KCNIP4: variants seen among roughly 807,000 people sequenced by gnomAD.
KCNIP4 encodes potassium voltage-gated channel interacting protein 4, also known as Kv channel-interacting protein 4.
In KCNIP4, 12 loss-of-function variants were observed where a neutral mutation model predicts 34.0. The observed-to-expected ratio is 0.35, with a 90% CI of 0.23 to 0.57. The LOEUF (loss-of-function observed/expected upper bound fraction) is 0.57. KCNIP4 is among the 20% of genes least tolerant of loss of function. KCNIP4 has a pLI of 0.83. For missense variants in KCNIP4, 238 were observed against 311.7 expected (o/e 0.76, Z 1.78); for synonymous variants, 124 against 102.2 (o/e 1.21, Z -1.29).
At chr4:21,495,256 G>A (rs1732761069) in intron 1 of KCNIP4, among the ~76,000 whole-genome samples, 1 of 152,128 alleles carries the variant, frequency 6.6e-6, no homozygotes. Flanking sequence ...TTACTTCTCT[G>A]TTCTGGTATT....
intron 1 of KCNIP4, among the ~76,000 whole-genome samples, chr4:21,203,064 A>G (rs1756601568): frequency 6.6e-6 from 1 of 152,242 alleles, no homozygotes; most frequent in African/African-American, 2.4e-5. Flanking sequence ...CCTGAGCTGT[A>G]ACCGTGCACA....
chr4:21,696,105 C>T (rs367669846), intron 1 of KCNIP4, among the ~76,000 whole-genome samples: 4 of 152,004 alleles, frequency 2.6e-5, no homozygotes, highest in Admixed American at 2.0e-4. Flanking sequence ...GATTAAAATG[C>T]GGATATTAAC....
Position 21,530,246 on chromosome 4 carries a change from C to G in KCNIP4, c.61+418325G>C, listed in dbSNP as rs183255499. 9.4e-4 allele frequency among the ~76,000 whole-genome samples: 143 copies of G among 152,244 alleles called. 1 individual carries two copies. Among genetic ancestry groups the G allele is most frequent in the East Asian group, 6.6e-3 (34 of 5,172 alleles). ...TTTGGTGGCAAAAAAAATCTGCTGT[C>G]AAATACATAATGTACTTTTGTTTCC... On this transcript the variant is annotated intron_variant, in intron 1 of 8. Coordinates refer to ENST00000382152, the MANE Select transcript of KCNIP4 (RefSeq NM_025221.6).
chr4:21,588,240 G>A (rs1473127213), intron 1 of KCNIP4, among the ~76,000 whole-genome samples: 1 of 152,120 alleles, frequency 6.6e-6, no homozygotes, highest in Non-Finnish European at 1.5e-5. Context: ...TTCTGCCAAT[G>A]AAATCATAAT....
At chr4:20,774,188 A>G (rs779693700) in intron 3 of KCNIP4, among the ~76,000 whole-genome samples, 1 of 152,218 alleles carries the variant, frequency 6.6e-6, no homozygotes, top group Non-Finnish European at 1.5e-5. Flanking sequence ...AATTATTTCT[A>G]CAATGATGCT....
chr4:21,413,889 AC>A (rs1724722599), intron 1 of KCNIP4, among the ~76,000 whole-genome samples: 1 of 152,126 alleles, frequency 6.6e-6, no homozygotes, highest in African/African-American at 2.4e-5. Context: ...TTTCCCCCAA[AC>A]CACTTTTAAC....
chr4:21,918,377 A>G (rs564035498), intron 1 of KCNIP4, among the ~76,000 whole-genome samples: 1 of 152,190 alleles, frequency 6.6e-6, no homozygotes, highest in Non-Finnish European at 1.5e-5. Context: ...GGTAAAACTG[A>G]TAAGATTGGA....
chr4:21,048,306 G>A (rs1742613579), intron 1 of KCNIP4, among the ~76,000 whole-genome samples: 1 of 152,082 alleles, frequency 6.6e-6, no homozygotes, highest in Non-Finnish European at 1.5e-5. Context: ...AAACTCTAAA[G>A]AGAAGATGAC....
chr4:21,666,834 G>A (rs953593662), intron 1 of KCNIP4, among the ~76,000 whole-genome samples: 5 of 152,196 alleles, frequency 3.3e-5, no homozygotes, highest in African/African-American at 9.7e-5. Flanking sequence ...GAATAAGGGG[G>A]AGGAAAGAGA....
chr4:21,346,995 A>G (rs1717499350), intron 1 of KCNIP4, among the ~76,000 whole-genome samples: 1 of 152,172 alleles, frequency 6.6e-6, no homozygotes, highest in African/African-American at 2.4e-5. Context: ...AAATTCTGGA[A>G]CACCAATATA....
At chr4:21,106,174 C>T (rs1430602814) in intron 1 of KCNIP4, among the ~76,000 whole-genome samples, 3 of 151,410 alleles carry the variant, frequency 2.0e-5, no homozygotes, top group Admixed American at 6.6e-5. Flanking sequence ...AGGAATGGTA[C>T]CAGTTCCTCC....
chr4:21,607,764 TC>T (rs1248018025), intron 1 of KCNIP4, among the ~76,000 whole-genome samples: 1 of 152,096 alleles, frequency 6.6e-6, no homozygotes, highest in African/African-American at 2.4e-5. Flanking sequence ...TGCTGGTCTC[TC>T]CAACTTGCAT....
rs541195007 is a variant in KCNIP4 at position 20,730,800 on chromosome 4, G to T, written c.706-671C>A. On this transcript the variant is annotated intron_variant, in intron 8 of 8. Transcript: ENST00000382152. The stretch of plus-strand genomic sequence containing the variant: ...TAGGGGACAGACTTTGGGCATTATT[G>T]GAGCACTTGTCAGTTGCATGTGAAT... 4.3e-3 allele frequency among the ~76,000 whole-genome samples: 648 copies of T among 152,216 alleles called. 6 individuals are homozygous for T. The highest frequency in any genetic ancestry group is 0.014 in the African/African-American group (599 of 41,528).
Position 21,923,558 on chromosome 4 carries a change from G to A in KCNIP4, c.61+25013C>T, listed in dbSNP as rs185616738. Among the ~76,000 whole-genome samples the A allele has an allele frequency of 3.2e-3, 480 of 152,258 alleles. 1 individual carries two copies. The highest frequency in any genetic ancestry group is 5.8e-3 in the Non-Finnish European group (393 of 68,020). ...ATCATGCCATTGCACTCCAGCCTAG[G>A]TGACAGAGTGAGACACTGTCCCTAA... On this transcript the variant is annotated intron_variant, in intron 1 of 8. Transcript: ENST00000382152.
chr4:21,505,060 G>A (rs189925591), intron 1 of KCNIP4, among the ~76,000 whole-genome samples: 160 of 152,178 alleles, frequency 1.1e-3, no homozygotes, highest in African/African-American at 3.6e-3. Context: ...TTTAACTCTC[G>A]AGTGATGATG....
intron 1 of KCNIP4, among the ~76,000 whole-genome samples, chr4:21,032,385 T>G (rs563775411): frequency 6.6e-6 from 1 of 152,238 alleles, no homozygotes; most frequent in East Asian, 1.9e-4. Context: ...AATCAACCTT[T>G]CTGCACAAGT....
intron 1 of KCNIP4, among the ~76,000 whole-genome samples, chr4:21,279,468 A>T (rs1448563785): frequency 6.6e-6 from 1 of 151,314 alleles, no homozygotes; most frequent in Admixed American, 6.6e-5. Flanking sequence ...TTGTTTCACC[A>T]TACAGAACTT....
chr4:21,590,921 G>T (rs1299413136), intron 1 of KCNIP4, among the ~76,000 whole-genome samples: 2 of 151,950 alleles, frequency 1.3e-5, no homozygotes, highest in Non-Finnish European at 2.9e-5. Context: ...CCATTAATCT[G>T]CTGAATATTT....
chr4:21,363,253 C>T (rs1441349531), intron 1 of KCNIP4, among the ~76,000 whole-genome samples: 13 of 152,154 alleles, frequency 8.5e-5, no homozygotes, highest in Admixed American at 7.9e-4. Context: ...TGTGGCTCTC[C>T]TTCATTGAAC....
Sources: gnomAD v4.1 joint callset for allele counts (sites outside exome capture counted in the v4.1 genomes callset) on GRCh38, gnomAD v4.1.1 for gene constraint, MANE v1.5 for transcripts, NCBI Gene and HGNC (gene_info 2026-07-23, HGNC 2026-07-21) for gene names.